PCDH7: variants seen among roughly 807,000 people sequenced by gnomAD.
PCDH7 encodes the protein protocadherin-7.
In PCDH7, 17 loss-of-function variants were observed where a neutral mutation model predicts 58.9. That is an observed-to-expected ratio of 0.29 (90% confidence interval 0.20 to 0.43). The LOEUF (loss-of-function observed/expected upper bound fraction) is 0.43, where lower values mean the gene tolerates loss of function less well. Among genes scored for constraint, PCDH7 ranks in the 20% least tolerant of loss-of-function variants. PCDH7 has a pLI of 1.00. For missense variants in PCDH7, 1,274 were observed against 1,441.0 expected (o/e 0.88, Z 1.88); for synonymous variants, 664 against 616.4 (o/e 1.08, Z -1.14).
At position 30,723,350 on chromosome 4, in the gene PCDH7, T is replaced by C; in HGVS notation, c.1928T>C (p.Val643Ala). The change falls in exon 1 of 2, where the codon GTC (valine) becomes GCC (alanine). Residue 643 changes from valine (V) to alanine (A), a missense_variant. Around this residue, in one of 3 missense-constraint regions of PCDH7, gnomAD observed 731 missense variants for 881.9 expected, o/e 0.83. Transcript: ENST00000361762. This position sits in a 1 kb window ranked among gnomAD's most constrained non-coding sequence, Gnocchi z 4.6. Reference sequence around the variant, plus strand: ...AATGACCCTAAGTTTATGCAGGACGTCTTCACCTTTTATGTGAAAGAAAAC... The same window carrying C: ...AATGACCCTAAGTTTATGCAGGACGCCTTCACCTTTTATGTGAAAGAAAAC... The C allele has an allele frequency of 2.5e-6, 4 of 1,614,210 alleles. No individual in the cohort carries two copies. Among genetic ancestry groups the C allele is most frequent in the Non-Finnish European group, 2.5e-6 (3 of 1,180,042 alleles).
chr4:31,041,272 G>A (rs1449350088), intron 3 of PCDH7, among the ~76,000 whole-genome samples: 1 of 152,138 alleles, frequency 6.6e-6, no homozygotes, highest in Non-Finnish European at 1.5e-5. Context: ...ACTGCTTTTA[G>A]AATTGTTTGC....
intron 3 of PCDH7, among the ~76,000 whole-genome samples, chr4:31,124,619 A>G (rs527371914): frequency 2.8e-4 from 43 of 152,180 alleles, no homozygotes; most frequent in Non-Finnish European, 4.4e-4. Flanking sequence ...CAGATTATTT[A>G]TTAGATTTAT....
At chr4:31,051,235 A>G (rs1322419781) in intron 3 of PCDH7, among the ~76,000 whole-genome samples, 1 of 152,100 alleles carries the variant, frequency 6.6e-6, no homozygotes, top group Non-Finnish European at 1.5e-5. Flanking sequence ...CTCCATTATA[A>G]TGATGTGTTT....
At chr4:30,877,607 T>A (rs1736458400) in intron 1 of PCDH7, among the ~76,000 whole-genome samples, 1 of 152,210 alleles carries the variant, frequency 6.6e-6, no homozygotes, top group Non-Finnish European at 1.5e-5. Context: ...ATGCAGGCAA[T>A]TTCCATTTCT....
At chr4:31,033,193 G>A (rs546032476) in intron 3 of PCDH7, among the ~76,000 whole-genome samples, 21 of 144,508 alleles carry the variant, frequency 1.5e-4, no homozygotes, top group African/African-American at 5.8e-4. Flanking sequence ...AGAAATGTAC[G>A]TTTGTTAGGT....
chr4:30,859,796 T>C (rs1218828388), intron 1 of PCDH7, among the ~76,000 whole-genome samples: 1 of 152,114 alleles, frequency 6.6e-6, no homozygotes, highest in Non-Finnish European at 1.5e-5. Flanking sequence ...AGAATTTAGC[T>C]GATTGGAAGG....
At chr4:31,013,385 CTA>C (rs571921820) in intron 3 of PCDH7, among the ~76,000 whole-genome samples, 20 of 149,164 alleles carry the variant, frequency 1.3e-4, no homozygotes, top group African/African-American at 4.7e-4. Flanking sequence ...AAGAGTATGC[CTA>C]TATATATAGA....
At chr4:30,937,247 A>T (rs545943157) in intron 2 of PCDH7, among the ~76,000 whole-genome samples, 1 of 152,268 alleles carries the variant, frequency 6.6e-6, no homozygotes, top group East Asian at 1.9e-4. Flanking sequence ...ACTTTAGCTA[A>T]ATGTGTAAAC....
At chr4:31,142,373 G>A (rs185695943) in intron 3 of PCDH7, 100 bp from the exon 3 acceptor site, 14 of 1,063,980 alleles carry the variant, frequency 1.3e-5, no homozygotes, top group Non-Finnish European at 1.8e-5. Context: ...GAAATAAGAT[G>A]GTAAGGAATA....
chr4:30,964,637 CTG>C (rs201340530), intron 3 of PCDH7, among the ~76,000 whole-genome samples: 3 of 148,976 alleles, frequency 2.0e-5, no homozygotes, highest in East Asian at 3.9e-4. Flanking sequence ...TTTAACCTCC[CTG>C]AGGGCAGAAA....
rs762876408 is a variant in PCDH7, at chr4:30,722,009, G to T, written c.587G>T (p.Arg196Leu). 3 of 1,264,504 alleles carry T rather than the reference G, an allele frequency of 2.4e-6. No individual in the cohort carries two copies. Among genetic ancestry groups the T allele is most frequent in the Non-Finnish European group, 3.0e-6 (3 of 1,008,104 alleles). The allele number at this position is 1,264,504 out of a possible 1,614,324, so 78.3% of individuals were successfully genotyped here. ...GGCGGCGGCAGCGGCGGCGAGAGCC[G>T]GCGCGCCGGGGCGGCCGACAGCGCC... The change falls in exon 1 of 2, where the codon CGG (arginine) becomes CTG (leucine). Residue 196 changes from arginine (R) to leucine (L), a missense_variant. By Grantham distance (102) the Arg-to-Leu change is moderately radical. Around this residue, in one of 3 missense-constraint regions of PCDH7, gnomAD observed 331 missense variants for 303.2 expected, o/e 1.09. Transcript: ENST00000361762. The surrounding 1 kb of genome is among the most constrained non-coding windows in gnomAD (Gnocchi z 7.6).
rs1190443409 is a variant in PCDH7 at position 31,097,587 on chromosome 4, CATATATATATATATATATATATATATAT to C, written c.*8-44862_*8-44835del. Among the ~76,000 whole-genome samples, 50 of 40,096 alleles carry C rather than the reference CATATATATATATATATATATATATATAT, an allele frequency of 1.2e-3. 2 individuals are homozygous for C. Among genetic ancestry groups the C allele is most frequent in the Middle Eastern group, 0.017 (1 of 58 alleles). 26.3% of individuals were successfully genotyped at this position (40,096 alleles called of 152,430 possible). On this transcript the variant is annotated intron_variant, in intron 3 of 3. Coordinates refer to the PCDH7 transcript ENST00000509759. ...TGTGGCTGTTTTTCCTCCAAATATACATATATATATATATATATATATATATATATATATATATATATATATATATAAA... is the reference window on the plus strand; with the variant it reads ...TGTGGCTGTTTTTCCTCCAAATATACATATATATATATATATATATATAAA...
At chr4:30,787,179 T>C (rs1298953420) in intron 1 of PCDH7, among the ~76,000 whole-genome samples, 1 of 152,068 alleles carries the variant, frequency 6.6e-6, no homozygotes, top group East Asian at 1.9e-4. Context: ...TGTGGATATG[T>C]ATCTTGTTAC....
chr4:30,992,579 C>T (rs996163790), intron 3 of PCDH7, among the ~76,000 whole-genome samples: 22 of 152,070 alleles, frequency 1.4e-4, no homozygotes, highest in Admixed American at 1.4e-3. Flanking sequence ...GGGCTAATTT[C>T]TTTAATGTAG....
intron 1 of PCDH7, among the ~76,000 whole-genome samples, chr4:30,893,756 A>T (rs1185126152): frequency 6.6e-6 from 1 of 152,086 alleles, no homozygotes; most frequent in Non-Finnish European, 1.5e-5. Context: ...TCTATTATTT[A>T]CTTCACTAAT....
intron 1 of PCDH7, among the ~76,000 whole-genome samples, chr4:30,780,951 A>T (rs1056981328): frequency 1.3e-5 from 2 of 152,188 alleles, no homozygotes; most frequent in African/African-American, 2.4e-5. Flanking sequence ...CTTTGTACAT[A>T]TAAGCAGATT....
intron 1 of PCDH7, among the ~76,000 whole-genome samples, chr4:30,776,858 G>GT: frequency 1.4e-5 from 2 of 147,718 alleles, no homozygotes; most frequent in African/African-American, 2.5e-5. Flanking sequence ...TTTGATATGT[G>GT]GTGTGTGTGT....
chr4:30,741,526 A>AT (rs1197740875), intron 1 of PCDH7, among the ~76,000 whole-genome samples: 1 of 152,100 alleles, frequency 6.6e-6, no homozygotes, highest in Admixed American at 6.6e-5. Context: ...CCACCATTGC[A>AT]TTTTTTCCTA....
intron 1 of PCDH7, among the ~76,000 whole-genome samples, chr4:30,845,961 A>G (rs1387857078): frequency 6.6e-6 from 1 of 152,162 alleles, no homozygotes; most frequent in African/African-American, 2.4e-5. Context: ...AAAGTGCTTA[A>G]GAAATTTTGA....
Sources: gnomAD v4.1 joint callset for allele counts (sites outside exome capture counted in the v4.1 genomes callset) on GRCh38, gnomAD v4.1.1 for gene constraint, gnomAD v4.1.1 regional missense constraint, Gnocchi (gnomAD v3.1) non-coding constraint, MANE v1.5 for transcripts, NCBI Gene and HGNC (gene_info 2026-07-23, HGNC 2026-07-21) for gene names.